Variants in TENM3 observed in about 807,000 individuals in gnomAD.
TENM3 encodes the protein teneurin-3.
Under a neutral mutation model 255.1 loss-of-function variants are expected in TENM3, and 63 were observed. That is an observed-to-expected ratio of 0.25 (90% CI 0.20 to 0.30). The LOEUF (loss-of-function observed/expected upper bound fraction) is 0.30. Ranked by LOEUF, TENM3 falls within the 10% of genes least tolerant of loss-of-function variation. The pLI is 1.00. For synonymous variants in TENM3, 1,306 were observed against 1,322.3 expected (o/e 0.99, Z 0.27); for missense variants, 2,929 against 3,461.1 (o/e 0.85, Z 3.86).
At chr4:181,500,036 C>CT in the TENM3 span, among the ~76,000 whole-genome samples, 10 of 148,346 alleles carry the variant, frequency 6.7e-5, no homozygotes, top group East Asian at 4.0e-4. Context: ...ACAAAATCCA[C>CT]TTTTTTTTTG....
At chr4:182,696,318 T>G (rs36058479) in intron 12 of TENM3, among the ~76,000 whole-genome samples, 16,648 of 152,122 alleles carry the variant, frequency 0.11, 1,232 homozygotes, top group South Asian at 0.16. Flanking sequence ...CTCTCTATAC[T>G]CTCTATAGAA....
At chr4:181,629,463 G>A in the TENM3 span, among the ~76,000 whole-genome samples, 1 of 152,124 alleles carries the variant, frequency 6.6e-6, no homozygotes, top group Non-Finnish European at 1.5e-5. Flanking sequence ...GTATAATATT[G>A]GCTGTGGGTT....
At chr4:182,179,270 G>A (rs1297997737) in intron 1 of TENM3, among the ~76,000 whole-genome samples, 1 of 152,188 alleles carries the variant, frequency 6.6e-6, no homozygotes, top group Non-Finnish European at 1.5e-5. Context: ...GAGAGCAGCT[G>A]CCTTTTATTC....
chr4:182,337,879 G>T (rs1031256068), intron 2 of TENM3, among the ~76,000 whole-genome samples: 2 of 152,168 alleles, frequency 1.3e-5, no homozygotes, highest in Non-Finnish European at 2.9e-5. Context: ...AGGATCCTGA[G>T]TACATCCTGT....
At chr4:181,459,209 G>T in the TENM3 span, among the ~76,000 whole-genome samples, 5 of 151,946 alleles carry the variant, frequency 3.3e-5, no homozygotes, top group East Asian at 9.7e-4. Flanking sequence ...CTTTTGTAAA[G>T]TACCTGTTCA....
At chr4:181,902,242 A>G in the TENM3 span, among the ~76,000 whole-genome samples, 7 of 151,392 alleles carry the variant, frequency 4.6e-5, no homozygotes, top group African/African-American at 1.7e-4. Context: ...TTCCTTGTAT[A>G]TTCTGGATAT....
At chr4:182,451,404 G>A (rs1234033552) in intron 3 of TENM3, among the ~76,000 whole-genome samples, 1 of 151,980 alleles carries the variant, frequency 6.6e-6, no homozygotes, top group East Asian at 1.9e-4. Flanking sequence ...AGCTTTTTGT[G>A]GCTTCTATTT....
chr4:181,896,968 T>G, the TENM3 span, among the ~76,000 whole-genome samples: 2 of 152,202 alleles, frequency 1.3e-5, no homozygotes, highest in African/African-American at 4.8e-5. Flanking sequence ...AAGTCATCTT[T>G]CAGAAACTGA....
At chr4:181,785,815 T>TACACAC in the TENM3 span, among the ~76,000 whole-genome samples, 329 of 149,232 alleles carry the variant, frequency 2.2e-3, 2 homozygotes, top group African/African-American at 5.8e-3. Context: ...CACACACACA[T>TACACAC]ACACACACAC....
intron 12 of TENM3, among the ~76,000 whole-genome samples, chr4:182,701,210 C>CTTTTATTTTTTTT (rs1757833236): frequency 2.6e-5 from 1 of 38,644 alleles, no homozygotes; most frequent in Non-Finnish European, 4.3e-5. Context: ...CAACTCTTGA[C>CTTTTATTTTTTTT]TTTTTTTTTT....
chr4:181,799,416 CGT>C, the TENM3 span, among the ~76,000 whole-genome samples: 1 of 152,214 alleles, frequency 6.6e-6, no homozygotes, highest in Non-Finnish European at 1.5e-5. Flanking sequence ...CTTCCACAAA[CGT>C]ATCTATAATT....
chr4:181,843,086 T>C, the TENM3 span, among the ~76,000 whole-genome samples: 4 of 152,226 alleles, frequency 2.6e-5, no homozygotes, highest in African/African-American at 9.6e-5. Flanking sequence ...AGCTTTTCCT[T>C]CAGTAACGCA....
At chr4:182,616,422 A>G (rs1244026397) in intron 4 of TENM3, among the ~76,000 whole-genome samples, 2 of 150,614 alleles carry the variant, frequency 1.3e-5, no homozygotes, top group Non-Finnish European at 3.0e-5. Context: ...ACCTAATGCT[A>G]GATGACGAGT....
the TENM3 span, among the ~76,000 whole-genome samples, chr4:182,069,598 G>T: frequency 2.6e-5 from 4 of 151,790 alleles, no homozygotes; most frequent in African/African-American, 9.7e-5. Flanking sequence ...AATTCTGCAG[G>T]TGTGTTATAC....
Position 182,754,306 on chromosome 4 carries a change from G to A in TENM3, c.4018-79G>A, listed in dbSNP as rs1372493703. The stretch of plus-strand genomic sequence containing the variant: ...ATCTCAGATTAATGCCAATTTCCCT[G>A]AATGGTCTAATTTACTCTTCTGGCG... On this transcript the variant is annotated intron_variant, in intron 21 of 27. Transcript: ENST00000511685. This position sits in a 1 kb window ranked among gnomAD's most constrained non-coding sequence, Gnocchi z 5.1. 7.1e-7 allele frequency: 1 copy of A among 1,398,694 alleles called. No individual in the cohort carries two copies. The highest frequency in any genetic ancestry group is 9.5e-7 in the Non-Finnish European group (1 of 1,049,762). The allele number at this position is 1,398,694 out of a possible 1,614,324, so 86.6% of individuals were successfully genotyped here.
chr4:181,961,941 CT>C, the TENM3 span, among the ~76,000 whole-genome samples: 3,141 of 152,164 alleles, frequency 0.021, 100 homozygotes, highest in African/African-American at 0.072. Flanking sequence ...AAGCCCAAAT[CT>C]TTATTCACTA....
At chr4:182,203,645 T>C (rs904574539) in intron 1 of TENM3, among the ~76,000 whole-genome samples, 3 of 152,172 alleles carry the variant, frequency 2.0e-5, no homozygotes, top group Non-Finnish European at 4.4e-5. Flanking sequence ...ATCCTCCCTC[T>C]TTCCCAACGC....
chr4:182,654,984 A>C (rs1753634143), intron 6 of TENM3, among the ~76,000 whole-genome samples: 1 of 152,330 alleles, frequency 6.6e-6, no homozygotes, highest in African/African-American at 2.4e-5. Flanking sequence ...TTTTATATAA[A>C]GTTCTGCATG....
At chr4:181,488,720 A>G in the TENM3 span, among the ~76,000 whole-genome samples, 1 of 152,170 alleles carries the variant, frequency 6.6e-6, no homozygotes, top group Non-Finnish European at 1.5e-5. Context: ...TTTTTTATAC[A>G]TAGTCTTATA....
Sources: allele counts gnomAD v4.1 joint callset (sites outside exome capture counted in the v4.1 genomes callset), GRCh38; gene constraint gnomAD v4.1.1; non-coding constraint Gnocchi (gnomAD v3.1); transcripts MANE v1.5; gene names NCBI Gene and HGNC (gene_info 2026-07-23, HGNC 2026-07-21).